MAD1L1: variants seen among roughly 807,000 people sequenced by gnomAD.
MAD1L1 encodes mitotic arrest deficient 1 like 1, also known as mitotic spindle assembly checkpoint protein MAD1.
MAD1L1 carries 95 observed loss-of-function variants against 96.9 expected under a neutral mutation model. That is an observed-to-expected ratio of 0.98 (90% confidence interval 0.83 to 1.16). MAD1L1 has a LOEUF of 1.16. Among genes scored for constraint, MAD1L1 ranks in the 50% most tolerant of loss-of-function variants. The pLI is 0.00. For synonymous variants in MAD1L1, 473 were observed against 396.6 expected, an observed-to-expected ratio of 1.19 and a Z score of -2.29; for missense variants, 1,007 against 954.4, an observed-to-expected ratio of 1.06 and a Z score of -0.73.
chr7:2,081,370 T>C (rs769327721), intron 11 of MAD1L1, among the ~76,000 whole-genome samples: 25 of 152,012 alleles, frequency 1.6e-4, no homozygotes, highest in South Asian at 6.2e-4. Context: ...GGAACGAAAA[T>C]CACAGCATCC....
intron 18 of MAD1L1, among the ~76,000 whole-genome samples, chr7:1,865,953 C>G (rs1190138186): frequency 6.6e-6 from 1 of 152,258 alleles, no homozygotes; most frequent in Non-Finnish European, 1.5e-5. Flanking sequence ...GCACCATCGG[C>G]CCGCAATGGG....
At chr7:1,999,556 G>A (rs147180633) in intron 14 of MAD1L1, among the ~76,000 whole-genome samples, 29 of 152,276 alleles carry the variant, frequency 1.9e-4, no homozygotes, top group African/African-American at 6.5e-4. Flanking sequence ...CGGGACTGCG[G>A]GGACCCTCAC....
Position 1,936,720 on chromosome 7 carries a change from C to T in MAD1L1, c.1774G>A (p.Ala592Thr), listed in dbSNP as rs928494716. Reference protein sequence around the residue: ...GTVPADLEAAAASLPSSKEVA... With the variant: ...GTVPADLEAATASLPSSKEVA... ...TCCTTGGACGATGGCAGACTCGCGG[C>T]GGCAGCCTCAAGGTCGGCTGGGACG... Residue 592 changes from alanine to threonine, a missense_variant, in exon 17 of 19, where the codon GCC (alanine) becomes ACC (threonine). By Grantham distance (58) the Ala-to-Thr change is moderately conservative (BLOSUM62 0). Transcript: ENST00000265854. The T allele has an allele frequency of 7.7e-6, 12 of 1,560,112 alleles. No individual in the cohort carries two copies. Among genetic ancestry groups the T allele is most frequent in the African/African-American group, 6.8e-5 (5 of 73,724 alleles).
At chr7:2,000,225 C>G (rs1216275088) in intron 14 of MAD1L1, among the ~76,000 whole-genome samples, 1 of 152,154 alleles carries the variant, frequency 6.6e-6, no homozygotes. Context: ...CCCTCACGCT[C>G]TCTACCTCAC....
chr7:2,154,620 G>A (rs530621463), intron 10 of MAD1L1, among the ~76,000 whole-genome samples: 12 of 152,278 alleles, frequency 7.9e-5, no homozygotes, highest in African/African-American at 2.9e-4. Context: ...AAAATATTAT[G>A]TATAAAAATA....
rs1028224384 is a variant in MAD1L1, at chr7:2,088,183, C to T, written c.1074-18845G>A. ...ATGGCCACAGAACAGTGGACGAGGT[C>T]GGGCAGCAAAGCGACCTTGGATCAC... On this transcript the variant is annotated intron_variant, in intron 11 of 18. Coordinates refer to ENST00000265854, the MANE Select transcript of MAD1L1 (RefSeq NM_001013836.2). This position sits in a 1 kb window ranked among gnomAD's most constrained non-coding sequence, Gnocchi z 4.4. Among the ~76,000 whole-genome samples, 4 of 152,190 alleles carry T rather than the reference C, an allele frequency of 2.6e-5. No homozygotes were observed. The highest frequency in any genetic ancestry group is 9.6e-5 in the African/African-American group (4 of 41,452).
intron 18 of MAD1L1, among the ~76,000 whole-genome samples, chr7:1,886,250 G>A (rs1325645050): frequency 6.6e-6 from 1 of 152,236 alleles, no homozygotes; most frequent in Non-Finnish European, 1.5e-5. Context: ...AGAGCCTGGA[G>A]TCCTGAGTCC....
chr7:2,070,906 C>A (rs188748433), intron 11 of MAD1L1, among the ~76,000 whole-genome samples: 9 of 152,140 alleles, frequency 5.9e-5, no homozygotes, highest in Admixed American at 2.0e-4. Context: ...TGACAGATGG[C>A]GCTTTCTTGG....
intron 12 of MAD1L1, among the ~76,000 whole-genome samples, chr7:2,018,007 G>T (rs1332825335): frequency 6.6e-6 from 1 of 152,122 alleles, no homozygotes; most frequent in African/African-American, 2.4e-5. Context: ...AGCACCCACA[G>T]GAGCGGGAGA....
chr7:2,160,325 T>G, intron 10 of MAD1L1, among the ~76,000 whole-genome samples: 1 of 138,434 alleles, frequency 7.2e-6, no homozygotes, highest in Admixed American at 8.5e-5. Flanking sequence ...TGCCACTGGA[T>G]CCTATTTTTT....
At chr7:1,893,515 G>T (rs1196949065) in intron 18 of MAD1L1, among the ~76,000 whole-genome samples, 3 of 152,304 alleles carry the variant, frequency 2.0e-5, no homozygotes, top group African/African-American at 7.2e-5. Flanking sequence ...CGGGAGCCAC[G>T]TATGCCAGCC....
chr7:2,155,285 G>C (rs569665279), intron 10 of MAD1L1, among the ~76,000 whole-genome samples: 1 of 152,082 alleles, frequency 6.6e-6, no homozygotes, highest in East Asian at 1.9e-4. Flanking sequence ...TCCTGCCACC[G>C]TGTTGGGATG....
At chr7:1,834,111 T>G (rs1011726469) in intron 18 of MAD1L1, among the ~76,000 whole-genome samples, 34 of 152,198 alleles carry the variant, frequency 2.2e-4, no homozygotes, top group African/African-American at 8.2e-4. Context: ...AAAGGGAGGT[T>G]AGTTAAGTCA....
At chr7:2,147,277 G>A (rs776825935) in intron 11 of MAD1L1, among the ~76,000 whole-genome samples, 3 of 152,046 alleles carry the variant, frequency 2.0e-5, no homozygotes, top group Admixed American at 1.3e-4. Flanking sequence ...AAGAGGGACC[G>A]GGAGCTCCAA....
chr7:1,943,142 C>T (rs922384776), intron 16 of MAD1L1, among the ~76,000 whole-genome samples: 13 of 152,218 alleles, frequency 8.5e-5, no homozygotes, highest in Non-Finnish European at 1.9e-4. Context: ...ATCCAAGACC[C>T]ACGCAAAGCC....
chr7:2,084,800 C>G (rs2128541354), intron 11 of MAD1L1, among the ~76,000 whole-genome samples: 1 of 152,296 alleles, frequency 6.6e-6, no homozygotes, highest in African/African-American at 2.4e-5. Flanking sequence ...AAGGAAGGAG[C>G]CGTGACAAAT....
rs114539169 is a variant in MAD1L1, at chr7:2,103,384, C to T, written c.1074-34046G>A. On this transcript the variant is annotated intron_variant, in intron 11 of 18. Coordinates refer to ENST00000265854, the MANE Select transcript of MAD1L1 (RefSeq NM_001013836.2). This position sits in a 1 kb window ranked among gnomAD's most constrained non-coding sequence, Gnocchi z 4.3. ...GCTCAGTAGACGGCACATGGGACATCGCCATGCCTAGTGATGACGTTTCTG... is the reference window on the plus strand; with the variant it reads ...GCTCAGTAGACGGCACATGGGACATTGCCATGCCTAGTGATGACGTTTCTG... Among the ~76,000 whole-genome samples the T allele has an allele frequency of 1.7e-4, 26 of 152,284 alleles. No individual in the cohort carries two copies. Among genetic ancestry groups the T allele is most frequent in the African/African-American group, 5.3e-4 (22 of 41,556 alleles).
At position 2,036,559 on chromosome 7, in the gene MAD1L1, C is replaced by T. The variant is rs188916154; in HGVS notation, c.1219-21917G>A. Reference sequence around the variant, plus strand: ...AAGGCCAATATATCAAAATTAAATCCCACGGAAGCCCAGGTTGTCACTGGA... The same window carrying T: ...AAGGCCAATATATCAAAATTAAATCTCACGGAAGCCCAGGTTGTCACTGGA... On this transcript the variant is annotated intron_variant, in intron 12 of 18. Coordinates refer to ENST00000265854, the MANE Select transcript of MAD1L1 (RefSeq NM_001013836.2). Among the ~76,000 whole-genome samples the T allele has an allele frequency of 4.0e-3, 615 of 152,268 alleles. 6 individuals are homozygous for T. The highest frequency in any genetic ancestry group is 0.014 in the African/African-American group (582 of 41,548).
At chr7:1,937,038 T>A in intron 16 of MAD1L1, 141 bp from the exon 17 acceptor site, 2 of 675,856 alleles carry the variant, frequency 3.0e-6, no homozygotes, top group Non-Finnish European at 4.9e-6. Flanking sequence ...TTTGTCTTCT[T>A]GAGCCTGCCT....
Sources: gnomAD v4.1 joint callset for allele counts (sites outside exome capture counted in the v4.1 genomes callset) on GRCh38, gnomAD v4.1.1 for gene constraint, Gnocchi (gnomAD v3.1) non-coding constraint, MANE v1.5 for transcripts, NCBI Gene and HGNC (gene_info 2026-07-23, HGNC 2026-07-21) for gene names.